Variants in N4BP2 observed in about 807,000 individuals in gnomAD.
N4BP2 encodes the protein NEDD4-binding protein 2.
In N4BP2, 91 loss-of-function variants were observed where a neutral mutation model predicts 152.8. The observed-to-expected ratio is 0.60, with a 90% CI of 0.50 to 0.71. The LOEUF is 0.71. Ranked by LOEUF, N4BP2 falls within the 30% of genes least tolerant of loss-of-function variation. The probability of loss-of-function intolerance (pLI) is 0.00; values close to 1 mark genes in which losing one functional copy is unlikely to be tolerated. For missense variants in N4BP2, 1,923 were observed against 2,059.1 expected, an observed-to-expected ratio of 0.93 and a Z score of 1.28; for synonymous variants, 646 against 705.3, an observed-to-expected ratio of 0.92 and a Z score of 1.33.
the N4BP2 span, among the ~76,000 whole-genome samples, chr4:40,171,778 A>T: frequency 6.6e-6 from 1 of 152,168 alleles, no homozygotes; most frequent in Non-Finnish European, 1.5e-5. Context: ...AAAAGTGGGG[A>T]AGCTGACAGT....
At chr4:40,108,675 T>C (rs1716562999) in intron 5 of N4BP2, among the ~76,000 whole-genome samples, 1 of 152,204 alleles carries the variant, frequency 6.6e-6, no homozygotes, top group Non-Finnish European at 1.5e-5. Flanking sequence ...ACTGAATCTG[T>C]GGGGACATCA....
At chr4:40,114,031 G>A (rs753384608) in intron 7 of N4BP2, among the ~76,000 whole-genome samples, 1 of 152,192 alleles carries the variant, frequency 6.6e-6, no homozygotes, top group Non-Finnish European at 1.5e-5. Flanking sequence ...AAGGTAGTAC[G>A]GATATAGAGA....
At chr4:40,058,692 C>T (rs1029793961) in intron 1 of N4BP2, among the ~76,000 whole-genome samples, 4 of 151,152 alleles carry the variant, frequency 2.6e-5, no homozygotes, top group African/African-American at 9.7e-5. Flanking sequence ...ATGTTTTTTC[C>T]TTCATTAAAG....
chr4:40,070,503 C>T (rs1478884274), intron 1 of N4BP2, among the ~76,000 whole-genome samples: 2 of 151,928 alleles, frequency 1.3e-5, no homozygotes, highest in Admixed American at 1.3e-4. Context: ...GACTAGAGTA[C>T]AGCAGCACAT....
chr4:40,090,545 T>C (rs1714424107), intron 2 of N4BP2, among the ~76,000 whole-genome samples: 5 of 152,314 alleles, frequency 3.3e-5, no homozygotes, highest in African/African-American at 9.6e-5. Flanking sequence ...TGAAACGACA[T>C]GTATCAGGTC....
rs1425784668 is a variant in N4BP2, at chr4:40,142,662, A to T, written c.4786-11A>T. On this transcript the variant is annotated splice_polypyrimidine_tract_variant and intron_variant, in intron 14 of 17. Transcript: ENST00000261435. The stretch of plus-strand genomic sequence containing the variant: ...TTCTGTGTGTGTTACTTATTGTTTA[A>T]TATCTTATAGCCAAAGAAATTAAAA... The T allele has an allele frequency of 6.3e-7, 1 of 1,585,018 alleles. No individual in the cohort carries two copies. Among genetic ancestry groups the T allele is most frequent in the African/African-American group, 1.4e-5 (1 of 73,052 alleles).
chr4:40,092,799 A>G (rs1278878639), intron 2 of N4BP2, among the ~76,000 whole-genome samples: 1 of 151,854 alleles, frequency 6.6e-6, no homozygotes, highest in Non-Finnish European at 1.5e-5. Context: ...GTGCACCACC[A>G]TGCCCAGCTA....
intron 1 of N4BP2, among the ~76,000 whole-genome samples, chr4:40,062,437 A>G (rs1046807791): frequency 6.6e-6 from 1 of 152,106 alleles, no homozygotes; most frequent in African/African-American, 2.4e-5. Context: ...CTAACAGCTC[A>G]TCCCTGCTTT....
At chr4:40,175,475 A>G in the N4BP2 span, among the ~76,000 whole-genome samples, 1 of 152,166 alleles carries the variant, frequency 6.6e-6, no homozygotes, top group East Asian at 1.9e-4. Context: ...CAGTCTGGAG[A>G]TCTGATGCAA....
chr4:40,150,716 T>G (rs1355290661), intron 16 of N4BP2, among the ~76,000 whole-genome samples: 1 of 151,356 alleles, frequency 6.6e-6, no homozygotes, highest in Non-Finnish European at 1.5e-5. Context: ...ATGATCCAAT[T>G]TTTTTCAATA....
At chr4:40,058,427 G>A (rs192448340) in intron 1 of N4BP2, among the ~76,000 whole-genome samples, 1 of 152,180 alleles carries the variant, frequency 6.6e-6, no homozygotes, top group Admixed American at 6.5e-5. Context: ...GCTAGGATGG[G>A]GGGTAGGAGC....
chr4:40,173,814 T>G, the N4BP2 span, among the ~76,000 whole-genome samples: 7 of 152,210 alleles, frequency 4.6e-5, no homozygotes, highest in African/African-American at 1.7e-4. Context: ...GCGTTATCAC[T>G]TTCTCTTTCC....
chr4:40,148,480 G>A (rs971211763), intron 16 of N4BP2, among the ~76,000 whole-genome samples: 3 of 150,780 alleles, frequency 2.0e-5, no homozygotes, highest in African/African-American at 2.4e-5. Flanking sequence ...GAGGGAGAGG[G>A]GGAGGGGGAG....
intron 1 of N4BP2, among the ~76,000 whole-genome samples, chr4:40,062,279 C>T (rs1016843251): frequency 2.6e-5 from 4 of 151,914 alleles, no homozygotes; most frequent in African/African-American, 7.2e-5. Flanking sequence ...GGGGTTTCAC[C>T]GTGTTAGCCA....
chr4:40,071,754 C>T (rs115674483), intron 1 of N4BP2, among the ~76,000 whole-genome samples: 2 of 151,798 alleles, frequency 1.3e-5, no homozygotes, highest in African/African-American at 2.4e-5. Flanking sequence ...TTAGTAGAGA[C>T]GAAGTTTCGC....
chr4:40,094,531 G>C (rs796764172), intron 2 of N4BP2, among the ~76,000 whole-genome samples: 13 of 151,914 alleles, frequency 8.6e-5, no homozygotes, highest in African/African-American at 2.7e-4. Context: ...ATACATTTAG[G>C]GTTGCTATAT....
At chr4:40,167,199 A>G in the N4BP2 span, 48 of 152,196 alleles carry the variant, frequency 3.2e-4, 1 homozygote, top group African/African-American at 1.1e-3. Flanking sequence ...CTGCTGGAAG[A>G]AGGGAGGACA....
chr4:40,103,092 G>C lies in N4BP2; in HGVS notation c.1247G>C (p.Gly416Ala), dbSNP rs376195405. The change falls in exon 4 of 18, where the codon GGA becomes GCA. Residue 416 changes from glycine to alanine, a missense_variant. Physicochemically the swap from Gly to Ala is moderately conservative, Grantham distance 60. Transcript: ENST00000261435. ...ACAAAAGTATGGAGAAATAAAGATG[G>C]AACAAGTGCTTATCAAGTACAAGAA... ...SPTKVWRNKDGTSAYQVQETP... is the reference protein window; with the variant it reads ...SPTKVWRNKDATSAYQVQETP... 1.1e-5 allele frequency: 17 copies of C among 1,614,126 alleles called. No individual in the cohort carries two copies. Among genetic ancestry groups the C allele is most frequent in the Non-Finnish European group, 1.4e-5 (17 of 1,180,022 alleles).
At chr4:40,062,319 C>T (rs772643416) in intron 1 of N4BP2, among the ~76,000 whole-genome samples, 3 of 151,922 alleles carry the variant, frequency 2.0e-5, no homozygotes, top group Admixed American at 2.0e-4. Context: ...ACTTCGTGAT[C>T]CTCCTCTCTT....
Sources: allele counts gnomAD v4.1 joint callset (sites outside exome capture counted in the v4.1 genomes callset), GRCh38; gene constraint gnomAD v4.1.1; transcripts MANE v1.5; gene names NCBI Gene and HGNC (gene_info 2026-07-23, HGNC 2026-07-21).